CNOT2: variants seen among roughly 807,000 people sequenced by gnomAD.
CNOT2 encodes the protein CC chemokine receptor 4-negative regulator of transcription 2.
A neutral mutation model predicts 72.1 loss-of-function variants in CNOT2; 7 were observed. That is an observed-to-expected ratio of 0.10 (90% CI 0.06 to 0.18). The LOEUF (loss-of-function observed/expected upper bound fraction) is 0.18. Ranked by LOEUF, CNOT2 falls within the 10% of genes least tolerant of loss-of-function variation. The pLI is 1.00. For missense variants in CNOT2, 345 were observed against 660.3 expected (o/e 0.52, Z 5.23); for synonymous variants, 196 against 225.6 (o/e 0.87, Z 1.17).
At chr12:70,246,084 GATA>G (rs951382841) in intron 1 of CNOT2, among the ~76,000 whole-genome samples, 7 of 152,106 alleles carry the variant, frequency 4.6e-5, no homozygotes, top group African/African-American at 1.7e-4. Context: ...AAGATTTTCT[GATA>G]ATATGAATAA....
chr12:70,311,172 T>C (rs1024374080), intron 3 of CNOT2, among the ~76,000 whole-genome samples, 155 bp downstream of exon 3: 1 of 152,032 alleles, frequency 6.6e-6, no homozygotes, highest in Non-Finnish European at 1.5e-5. Flanking sequence ...CCTTTTGGGA[T>C]ACAAAGACAA....
intron 7 of CNOT2, among the ~76,000 whole-genome samples, 197 bp downstream of exon 7, chr12:70,333,043 T>C (rs1240120166): frequency 6.6e-6 from 1 of 151,840 alleles, no homozygotes; most frequent in Non-Finnish European, 1.5e-5. Context: ...TTACTTAGCA[T>C]GGTAACGTAG....
At chr12:70,262,435 G>A (rs1051585400) in intron 1 of CNOT2, among the ~76,000 whole-genome samples, 1 of 151,980 alleles carries the variant, frequency 6.6e-6, no homozygotes, top group Non-Finnish European at 1.5e-5. Context: ...CACTACACCC[G>A]GTCAATTTTT....
At chr12:70,311,255 A>G (rs941572158) in intron 3 of CNOT2, among the ~76,000 whole-genome samples, 8 of 152,050 alleles carry the variant, frequency 5.3e-5, no homozygotes, top group Admixed American at 5.2e-4. Context: ...ACTGTGATAG[A>G]AGTACTCAAA....
chr12:70,351,408 A>G (rs1457849982), intron 15 of CNOT2, among the ~76,000 whole-genome samples: 3 of 152,180 alleles, frequency 2.0e-5, no homozygotes, highest in African/African-American at 4.8e-5. Context: ...AAAGTAACTT[A>G]TGTATTTTAA....
At chr12:70,320,779 T>C (rs1239949218) in intron 4 of CNOT2, among the ~76,000 whole-genome samples, 1 of 151,738 alleles carries the variant, frequency 6.6e-6, no homozygotes, top group African/African-American at 2.4e-5. Flanking sequence ...TAGATATGGA[T>C]TGGAGAAAAA....
intron 2 of CNOT2, among the ~76,000 whole-genome samples, chr12:70,299,289 T>C (rs998145578): frequency 6.6e-6 from 1 of 152,088 alleles, no homozygotes; most frequent in Non-Finnish European, 1.5e-5. Flanking sequence ...TTGTTACATA[T>C]GTATACATGG....
intron 4 of CNOT2, among the ~76,000 whole-genome samples, chr12:70,320,234 C>T (rs1036025908): frequency 5.3e-5 from 8 of 151,576 alleles, no homozygotes; most frequent in Non-Finnish European, 1.2e-4. Context: ...GATGACTATC[C>T]TAACCAGTTT....
At chr12:70,333,266 G>A (rs1358425572) in intron 7 of CNOT2, among the ~76,000 whole-genome samples, 1 of 151,836 alleles carries the variant, frequency 6.6e-6, no homozygotes, top group Non-Finnish European at 1.5e-5. Flanking sequence ...AAATTGTATG[G>A]AACACTTACG....
intron 1 of CNOT2, among the ~76,000 whole-genome samples, chr12:70,262,718 G>A (rs188725717): frequency 6.6e-6 from 1 of 151,910 alleles, no homozygotes; most frequent in African/African-American, 2.4e-5. Flanking sequence ...CTGTTACCCA[G>A]GCTGGAGTGC....
intron 1 of CNOT2, among the ~76,000 whole-genome samples, chr12:70,269,866 C>T (rs1959182643): frequency 6.6e-6 from 1 of 152,130 alleles, no homozygotes; most frequent in Admixed American, 6.6e-5. Context: ...TCTTTTCCAG[C>T]CCATGAGACA....
At chr12:70,249,482 C>T (rs1035748787) in intron 1 of CNOT2, among the ~76,000 whole-genome samples, 6 of 151,794 alleles carry the variant, frequency 4.0e-5, no homozygotes, top group East Asian at 1.9e-4. Context: ...TTATGAAGGC[C>T]GTTTTCATCT....
At chr12:70,257,031 T>A (rs1172973201) in intron 1 of CNOT2, among the ~76,000 whole-genome samples, 1 of 149,944 alleles carries the variant, frequency 6.7e-6, no homozygotes, top group Admixed American at 6.7e-5. Flanking sequence ...ATTGAACATT[T>A]TATTTTTTTT....
intron 3 of CNOT2, among the ~76,000 whole-genome samples, chr12:70,313,076 A>G (rs544326242): frequency 1.3e-5 from 2 of 152,036 alleles, no homozygotes; most frequent in Non-Finnish European, 2.9e-5. Flanking sequence ...CAGCAATTAC[A>G]TTTAAGTCTT....
intron 11 of CNOT2, among the ~76,000 whole-genome samples, chr12:70,339,078 A>G (rs112904988): frequency 0.21 from 27,498 of 127,906 alleles, 3,089 homozygotes; most frequent in East Asian, 0.43. Context: ...GTGTGTGTGT[A>G]TATATATATA....
At chr12:70,280,015 T>C (rs1005454236) in intron 2 of CNOT2, among the ~76,000 whole-genome samples, 1 of 152,138 alleles carries the variant, frequency 6.6e-6, no homozygotes, top group African/African-American at 2.4e-5. Flanking sequence ...TTGTACGTAT[T>C]TATGGGGTAC....
At chr12:70,288,357 G>C (rs943709202) in intron 2 of CNOT2, among the ~76,000 whole-genome samples, 1 of 151,944 alleles carries the variant, frequency 6.6e-6, no homozygotes, top group Non-Finnish European at 1.5e-5. Flanking sequence ...ACATTGGCCA[G>C]GCTGGTCTCC....
intron 11 of CNOT2, 29 bp from the exon 12 acceptor site, chr12:70,342,078 C>G: frequency 7.3e-7 from 1 of 1,368,684 alleles, no homozygotes; most frequent in Non-Finnish European, 1.0e-6. Flanking sequence ...TTCTGGATTT[C>G]AAAATGTTTT....
intron 1 of CNOT2, among the ~76,000 whole-genome samples, chr12:70,268,309 T>C (rs1411553603): frequency 6.6e-6 from 1 of 152,190 alleles, no homozygotes; most frequent in Non-Finnish European, 1.5e-5. Flanking sequence ...CTTTAGGTGG[T>C]CTGTGGACCT....
Sources: gnomAD v4.1 joint callset for allele counts (sites outside exome capture counted in the v4.1 genomes callset) on GRCh38, gnomAD v4.1.1 for gene constraint, MANE v1.5 for transcripts, NCBI Gene and HGNC (gene_info 2026-07-23, HGNC 2026-07-21) for gene names.